The following DRC10 variants were observed in gnomAD, a reference collection of about 807,000 sequenced individuals.
DRC10 encodes the protein IQ domain-containing protein D.
chr12:113,212,859 C>T, the DRC10 span, among the ~76,000 whole-genome samples: 1 of 152,206 alleles, frequency 6.6e-6, no homozygotes, highest in African/African-American at 2.4e-5. Flanking sequence ...TAAGCATCTC[C>T]GTTTAAAATT....
At chr12:113,207,537 C>T in the DRC10 span, 1 of 1,614,014 alleles carries the variant, frequency 6.2e-7, no homozygotes, top group Non-Finnish European at 8.5e-7. Flanking sequence ...CCTGTAAGAA[C>T]TGGGCCTTAT....
the DRC10 span, chr12:113,207,635 CA>C: frequency 3.1e-6 from 5 of 1,614,146 alleles, no homozygotes; most frequent in Non-Finnish European, 4.2e-6. Flanking sequence ...TGGGCTTCTG[CA>C]CTTCTACCCT....
At chr12:113,207,560 T>G in the DRC10 span, 1 of 1,614,128 alleles carries the variant, frequency 6.2e-7, no homozygotes, top group Middle Eastern at 1.6e-4. Context: ...CTCGCTTCCA[T>G]GGGACTAGTG....
At chr12:113,214,822 GT>G in the DRC10 span, among the ~76,000 whole-genome samples, 11 of 149,604 alleles carry the variant, frequency 7.4e-5, no homozygotes, top group South Asian at 4.3e-4. Flanking sequence ...TAGTTGAGTG[GT>G]TTTTTTTTTC....
chr12:113,205,567 G>A, the DRC10 span, among the ~76,000 whole-genome samples: 1 of 151,992 alleles, frequency 6.6e-6, no homozygotes. Flanking sequence ...GAAGACCTGT[G>A]TTAATATTCT....
the DRC10 span, chr12:113,200,170 G>A: frequency 8.8e-6 from 3 of 341,038 alleles, no homozygotes; most frequent in East Asian, 1.6e-4. Context: ...GTGTGAAATC[G>A]GCAGCTGGGC....
the DRC10 span, among the ~76,000 whole-genome samples, chr12:113,220,751 T>C: frequency 1.3e-5 from 2 of 152,060 alleles, no homozygotes; most frequent in Non-Finnish European, 2.9e-5. Context: ...ACTGTTGTCC[T>C]CCTCGTTTTA....
chr12:113,217,801 G>T, the DRC10 span, among the ~76,000 whole-genome samples: 3 of 152,172 alleles, frequency 2.0e-5, no homozygotes, highest in African/African-American at 7.2e-5. Context: ...CAAAGTGCTG[G>T]AATTGCAAGC....
At chr12:113,208,471 T>C in the DRC10 span, 7 of 601,296 alleles carry the variant, frequency 1.2e-5, no homozygotes, top group African/African-American at 5.7e-5. Flanking sequence ...CTCAGGCACA[T>C]GTGTCAGGCG....
At chr12:113,214,828 T>C in the DRC10 span, among the ~76,000 whole-genome samples, 1 of 152,204 alleles carries the variant, frequency 6.6e-6, no homozygotes, top group African/African-American at 2.4e-5. Context: ...AGTGGTTTTT[T>C]TTTTCTTTCT....
the DRC10 span, chr12:113,197,401 A>G: frequency 3.2e-6 from 2 of 629,856 alleles, no homozygotes; most frequent in East Asian, 2.8e-5. Context: ...AACCCTTTAA[A>G]CAAAGGGAAG....
At chr12:113,200,832 G>A in the DRC10 span, 1 of 1,508,082 alleles carries the variant, frequency 6.6e-7, no homozygotes, top group East Asian at 2.5e-5. Flanking sequence ...GGAAGAGAAA[G>A]GGCTCCGTTA....
At chr12:113,206,060 C>CA in the DRC10 span, 18,845 of 144,036 alleles carry the variant, frequency 0.13, 1,439 homozygotes, top group African/African-American at 0.23. Flanking sequence ...ACTAAAAATA[C>CA]AAAAAAAAAA....
At chr12:113,195,501 A>C in the DRC10 span, 23 of 1,486,988 alleles carry the variant, frequency 1.5e-5, no homozygotes, top group Non-Finnish European at 2.0e-5. Context: ...CCGTGAATTT[A>C]GTGCTCTCCA....
chr12:113,195,934 C>T, the DRC10 span: 1 of 1,546,060 alleles, frequency 6.5e-7, no homozygotes, highest in East Asian at 2.3e-5. Flanking sequence ...TAGAGTGCCT[C>T]CTCCCACCCT....
At chr12:113,219,793 C>T in the DRC10 span, among the ~76,000 whole-genome samples, 150 of 151,498 alleles carry the variant, frequency 9.9e-4, no homozygotes, top group African/African-American at 3.5e-3. Flanking sequence ...CCACCTCAGC[C>T]TTATTTATTT....
chr12:113,203,034 CTTTTT>C, the DRC10 span: 9 of 381,928 alleles, frequency 2.4e-5, no homozygotes, highest in African/African-American at 4.2e-5. Context: ...TACTGTTTCC[CTTTTT>C]TTTTTGAGAC....
At chr12:113,205,426 G>A in the DRC10 span, among the ~76,000 whole-genome samples, 1 of 151,838 alleles carries the variant, frequency 6.6e-6, no homozygotes, top group Non-Finnish European at 1.5e-5. Flanking sequence ...CCAGAGACTC[G>A]GGAGGCTGAG....
At chr12:113,219,389 T>C in the DRC10 span, among the ~76,000 whole-genome samples, 1 of 152,216 alleles carries the variant, frequency 6.6e-6, no homozygotes, top group Non-Finnish European at 1.5e-5. Flanking sequence ...GTGGTACCAA[T>C]TGGTATTCTG....
Sources: allele counts gnomAD v4.1 joint callset (sites outside exome capture counted in the v4.1 genomes callset), GRCh38; gene constraint gnomAD v4.1.1; transcripts MANE v1.5; gene names NCBI Gene and HGNC (gene_info 2026-07-23, HGNC 2026-07-21).